GABRB3: variants seen among roughly 807,000 people sequenced by gnomAD.
The protein encoded by GABRB3 is gamma-aminobutyric acid receptor subunit beta-3.
A neutral mutation model predicts 52.1 loss-of-function variants in GABRB3; 14 were observed. The observed-to-expected ratio is 0.27, with a 90% confidence interval of 0.18 to 0.42. GABRB3 has a LOEUF of 0.42. Among genes scored for constraint, GABRB3 ranks in the 10% least tolerant of loss-of-function variants. GABRB3 has a pLI of 1.00. For synonymous variants in GABRB3, 260 were observed against 232.3 expected, an observed-to-expected ratio of 1.12 and a Z score of -1.08; for missense variants, 307 against 609.1, an observed-to-expected ratio of 0.50 and a Z score of 5.22.
intron 3 of GABRB3, among the ~76,000 whole-genome samples, chr15:26,729,548 G>A (rs2140148399): frequency 6.6e-6 from 1 of 152,296 alleles, no homozygotes; most frequent in South Asian, 2.1e-4. Flanking sequence ...AAGCCTTTAA[G>A]TTAATCTGGG....
rs1298122364 is a variant in GABRB3 at position 26,546,001 on chromosome 15, C to T, written c.*1792G>A. ...CACCAAAGAAAAATCAAGTAGTGGT[C>T]AGCTCATGGGGATAGTCCACACCAC... On this transcript the variant is annotated 3_prime_UTR_variant, in exon 9 of 9. Transcript: ENST00000311550. 1 of 152,558 alleles carries T rather than the reference C, an allele frequency of 6.6e-6. No homozygotes were observed. The highest frequency in any genetic ancestry group is 2.4e-5 in the African/African-American group (1 of 41,434). 9.5% of individuals were successfully genotyped at this position (152,558 alleles called of 1,614,324 possible). A position where few individuals can be genotyped will look rare whatever the true frequency, so the allele number is the denominator to read the frequency against.
chr15:26,603,931 C>A (rs1434369693), intron 4 of GABRB3, among the ~76,000 whole-genome samples: 1 of 152,016 alleles, frequency 6.6e-6, no homozygotes, highest in East Asian at 1.9e-4. Context: ...CTACAGAAAT[C>A]AAACAAGAGA....
Position 26,587,695 on chromosome 15 carries a change from C to T in GABRB3, c.462-4281G>A, listed in dbSNP as rs747804559. Among the ~76,000 whole-genome samples the T allele has an allele frequency of 6.6e-5, 10 of 152,132 alleles. No individual in the cohort carries two copies. The East Asian group carries it at 9.6e-4, about 15-fold the overall frequency. On this transcript the variant is annotated intron_variant, in intron 4 of 8. Transcript: ENST00000311550. ...CAGAAGGGTTGAGGAATTTCACAGA[C>T]GGTAGAACTGAGAGTTCAAGCCTAG... is the stretch of plus-strand genomic sequence containing the variant.
intron 3 of GABRB3, among the ~76,000 whole-genome samples, chr15:26,678,796 C>T (rs996650348): frequency 6.6e-6 from 1 of 152,106 alleles, no homozygotes; most frequent in Admixed American, 6.5e-5. Flanking sequence ...AGCAAAAAGG[C>T]AATTGGGGGC....
intron 3 of GABRB3, among the ~76,000 whole-genome samples, chr15:26,755,988 T>C (rs1367403555): frequency 1.3e-5 from 2 of 152,122 alleles, no homozygotes; most frequent in East Asian, 3.8e-4. Flanking sequence ...GTAAAACATA[T>C]TTAATAGCAC....
intron 3 of GABRB3, among the ~76,000 whole-genome samples, chr15:26,748,387 T>C (rs1273535521): frequency 6.6e-6 from 1 of 152,232 alleles, no homozygotes; most frequent in Non-Finnish European, 1.5e-5. Flanking sequence ...AAATTCAATT[T>C]CTTTAGTCAT....
chr15:26,615,591 G>T, intron 4 of GABRB3: 1 of 556,610 alleles, frequency 1.8e-6, no homozygotes, highest in Non-Finnish European at 2.3e-6. Flanking sequence ...AGTCATCAGA[G>T]TTAAGGATTA....
intron 3 of GABRB3, chr15:26,656,906 T>C (rs1887390097): frequency 6.6e-6 from 1 of 152,226 alleles, no homozygotes; most frequent in African/African-American, 2.4e-5. Flanking sequence ...TCCCAGGAAA[T>C]GATGTTTCAA....
chr15:26,770,578 T>C (rs1038700363), intron 3 of GABRB3, among the ~76,000 whole-genome samples: 1 of 152,228 alleles, frequency 6.6e-6, no homozygotes, highest in East Asian at 1.9e-4. Flanking sequence ...CAAACAAATA[T>C]GTGATGGTGT....
At chr15:26,765,994 T>TA (rs1317981152) in intron 3 of GABRB3, among the ~76,000 whole-genome samples, 4 of 152,230 alleles carry the variant, frequency 2.6e-5, no homozygotes, top group African/African-American at 7.2e-5. Context: ...TTTCCTCATC[T>TA]AAAAAAATGG....
chr15:26,746,744 T>C (rs1387727878), intron 3 of GABRB3, among the ~76,000 whole-genome samples: 1 of 151,990 alleles, frequency 6.6e-6, no homozygotes, highest in Non-Finnish European at 1.5e-5. Flanking sequence ...TCCCAGCACT[T>C]TGGGAGGCCG....
intron 8 of GABRB3, among the ~76,000 whole-genome samples, chr15:26,554,158 AAAG>A (rs377539443): frequency 6.2e-3 from 187 of 30,174 alleles, no homozygotes; most frequent in African/African-American, 0.012. Flanking sequence ...ATATATATAT[AAAG>A]TATATATATA....
intron 3 of GABRB3, among the ~76,000 whole-genome samples, chr15:26,758,923 G>A (rs1182668971): frequency 3.9e-5 from 6 of 152,064 alleles, no homozygotes; most frequent in Non-Finnish European, 7.4e-5. Context: ...ATTACCAACA[G>A]GATTCCATCT....
chr15:26,580,937 G>A (rs1194636374), intron 5 of GABRB3, among the ~76,000 whole-genome samples: 2 of 152,196 alleles, frequency 1.3e-5, no homozygotes, highest in Non-Finnish European at 2.9e-5. Context: ...CAGAGCAAAA[G>A]GAATGTTCTC....
At chr15:26,739,278 C>T (rs1389601532) in intron 3 of GABRB3, among the ~76,000 whole-genome samples, 1 of 151,994 alleles carries the variant, frequency 6.6e-6, no homozygotes, top group Non-Finnish European at 1.5e-5. Flanking sequence ...CAAACAACAG[C>T]GACGCTTGGC....
intron 3 of GABRB3, among the ~76,000 whole-genome samples, chr15:26,646,937 G>A (rs945356582): frequency 3.3e-5 from 5 of 152,072 alleles, no homozygotes; most frequent in Non-Finnish European, 5.9e-5. Flanking sequence ...TCCGCCTCCC[G>A]GGTTCACGCC....
rs1367903053 is a variant in GABRB3 at position 26,759,236 on chromosome 15, A to T, written c.240+13166T>A. On this transcript the variant is annotated intron_variant, in intron 3 of 8. Coordinates refer to ENST00000311550, the MANE Select transcript of GABRB3 (RefSeq NM_000814.6). ...TTTTTTCATTAATAAGACTAGGAAT[A>T]AAAAAAAATAGAATATAGCAAAAAA... Among the ~76,000 whole-genome samples, 10 of 141,762 alleles carry T rather than the reference A, an allele frequency of 7.1e-5. No individual in the cohort carries two copies. The South Asian group carries it at 2.1e-3, about 30-fold the overall frequency. 93.0% of individuals were successfully genotyped at this position (141,762 alleles called of 152,430 possible). A position where few individuals can be genotyped will look rare whatever the true frequency, so the allele number is the denominator to read the frequency against.
intron 4 of GABRB3, among the ~76,000 whole-genome samples, chr15:26,593,330 T>C (rs1250508400): frequency 2.0e-5 from 3 of 152,194 alleles, no homozygotes; most frequent in African/African-American, 7.2e-5. Flanking sequence ...ACACACAATA[T>C]AAAATGTACC....
In GABRB3 at chr15:26,676,554, A is replaced by G. The variant is rs112010697; in HGVS notation, c.241-55020T>C. ...ACTGCCATTTCTTTATAAGTGTTCA[A>G]TTTCTTATCAGAAATGGCTCTTAAG... On this transcript the variant is annotated intron_variant, in intron 3 of 8. Transcript: ENST00000311550. 3.1e-3 allele frequency among the ~76,000 whole-genome samples: 478 copies of G among 152,330 alleles called. 4 individuals carry two copies. The highest frequency in any genetic ancestry group is 0.011 in the African/African-American group (461 of 41,582).
Sources: gnomAD v4.1 joint callset for allele counts (sites outside exome capture counted in the v4.1 genomes callset) on GRCh38, gnomAD v4.1.1 for gene constraint, MANE v1.5 for transcripts, NCBI Gene and HGNC (gene_info 2026-07-23, HGNC 2026-07-21) for gene names.